CATSPERE: variants seen among roughly 807,000 people sequenced by gnomAD.
The protein encoded by CATSPERE is catsper channel auxiliary subunit epsilon, also known as cation channel sperm-associated auxiliary subunit epsilon.
A neutral mutation model predicts 114.1 loss-of-function variants in CATSPERE; 93 were observed. That is an observed-to-expected ratio of 0.81 (90% CI 0.69 to 0.97). The LOEUF (loss-of-function observed/expected upper bound fraction) is 0.97. Among genes scored for constraint, CATSPERE ranks in the 50% least tolerant of loss-of-function variants. CATSPERE has a pLI of 0.00. For missense variants in CATSPERE, 1,058 were observed against 1,131.6 expected (o/e 0.93, Z 0.93); for synonymous variants, 341 against 384.1 (o/e 0.89, Z 1.31).
rs536004037 is a variant in CATSPERE, at chr1:244,497,111, A to G, written c.352-1891A>G. Reference sequence around the variant, plus strand: ...ATAATTTTACATTGAATATGTAAATACAATAAATCCAGTAACAATTAAAGA... The same window carrying G: ...ATAATTTTACATTGAATATGTAAATGCAATAAATCCAGTAACAATTAAAGA... On this transcript the variant is annotated intron_variant, in intron 6 of 21. Coordinates refer to ENST00000366534, the MANE Select transcript of CATSPERE (RefSeq NM_001130957.2). Among the ~76,000 whole-genome samples the G allele has an allele frequency of 4.6e-5, 7 of 152,372 alleles. No individual in the cohort carries two copies. In the South Asian group the frequency reaches 1.4e-3, roughly 32 times the overall value.
At chr1:244,574,328 A>G (rs1558523559) in intron 11 of CATSPERE, among the ~76,000 whole-genome samples, 1 of 152,344 alleles carries the variant, frequency 6.6e-6, no homozygotes, top group East Asian at 1.9e-4. Flanking sequence ...CATGCCTGTG[A>G]GCATGTCTAA....
chr1:244,531,622 G>T (rs1224025371), intron 8 of CATSPERE, among the ~76,000 whole-genome samples: 1 of 151,900 alleles, frequency 6.6e-6, no homozygotes, highest in Non-Finnish European at 1.5e-5. Context: ...TTGATATAAT[G>T]TATCACATTG....
chr1:244,529,300 T>C (rs1483589506), intron 8 of CATSPERE, among the ~76,000 whole-genome samples: 1 of 152,184 alleles, frequency 6.6e-6, no homozygotes, highest in Non-Finnish European at 1.5e-5. Context: ...ACCCACAGCA[T>C]ACAGGGGCTC....
rs746941760 is a variant in CATSPERE, at chr1:244,479,727, A to G, written c.269A>G (p.Glu90Gly). 8 of 1,598,518 alleles carry G rather than the reference A, an allele frequency of 5.0e-6. No homozygotes were observed. In the South Asian group the frequency reaches 8.9e-5, roughly 18 times the overall value. The change falls in exon 5 of 22, where the codon GAA (glutamate) becomes GGA (glycine). Residue 90 changes from glutamate (E) to glycine (G), a missense_variant. Glu to Gly is a moderately conservative substitution (Grantham distance 98). Transcript: ENST00000366534. The part of the protein sequence containing the change: ...KPIVTGPDEE[E>G]RYLFVESSHT... The stretch of plus-strand genomic sequence containing the variant: ...TGCATTTTCTTTTAGGATGAAGAAG[A>G]ACGCTATTTATTTGTGGAAAGTTCT...
At chr1:244,509,485 T>C (rs1183448747) in intron 7 of CATSPERE, among the ~76,000 whole-genome samples, 1 of 152,190 alleles carries the variant, frequency 6.6e-6, no homozygotes, top group Non-Finnish European at 1.5e-5. Context: ...TTGCTAGTAT[T>C]TTGTTTTGAA....
rs143406749 is a variant in CATSPERE, at chr1:244,489,945, T to G, written c.327-502T>G. 3.9e-4 allele frequency among the ~76,000 whole-genome samples: 59 copies of G among 152,192 alleles called. No individual in the cohort carries two copies. The East Asian group carries it at 8.9e-3, about 23-fold the overall frequency. On this transcript the variant is annotated intron_variant, in intron 5 of 21. Coordinates refer to ENST00000366534, the MANE Select transcript of CATSPERE (RefSeq NM_001130957.2). ...AGCATCAATGAGAAAAGAAATAGAT[T>G]AGCACTGAGTATTAAGAAACCTCAA... is the stretch of plus-strand genomic sequence containing the variant.
At chr1:244,516,335 T>TTTTGTTTG (rs57682756) in intron 7 of CATSPERE, among the ~76,000 whole-genome samples, 1,864 of 151,102 alleles carry the variant, frequency 0.012, 52 homozygotes, top group African/African-American at 0.043. Context: ...ATCAAGAGAG[T>TTTTGTTTG]TTTGTTTGTT....
intron 8 of CATSPERE, among the ~76,000 whole-genome samples, chr1:244,542,197 G>T (rs1428072464): frequency 1.3e-5 from 2 of 150,814 alleles, no homozygotes; most frequent in African/African-American, 4.9e-5. Context: ...ACCAAGCCCT[G>T]GTGCTTTCCT....
chr1:244,545,214 G>A (rs1244476667), intron 8 of CATSPERE, among the ~76,000 whole-genome samples: 2 of 152,164 alleles, frequency 1.3e-5, no homozygotes, highest in African/African-American at 2.4e-5. Context: ...CAGTCCAGTG[G>A]CATGAGACCT....
intron 8 of CATSPERE, among the ~76,000 whole-genome samples, chr1:244,520,115 A>C (rs1253716501): frequency 1.3e-5 from 2 of 152,184 alleles, no homozygotes; most frequent in Non-Finnish European, 2.9e-5. Context: ...GATACCCTTA[A>C]AGCACAGAAG....
At chr1:244,637,548 A>G (rs1002481638) in intron 21 of CATSPERE, among the ~76,000 whole-genome samples, 25 of 152,076 alleles carry the variant, frequency 1.6e-4, no homozygotes, top group South Asian at 2.1e-4. Context: ...TTAATCCATG[A>G]CACCCACCGC....
rs1449929982 is a variant in CATSPERE at position 244,499,169 on chromosome 1, G to A, written c.429+90G>A. ...TGAAAAATTTATAATCAATAGACAG[G>A]ATTTTAAGCTGCCCACACCTAACTA... On this transcript the variant is annotated intron_variant, in intron 7 of 21. Transcript: ENST00000366534. The A allele has an allele frequency of 1.8e-5, 17 of 925,098 alleles. 2 individuals carry two copies. The Middle Eastern group carries it at 2.4e-3, about 129-fold the overall frequency. 57.3% of individuals were successfully genotyped at this position (925,098 alleles called of 1,614,324 possible).
intron 20 of CATSPERE, among the ~76,000 whole-genome samples, chr1:244,624,142 T>G (rs1041635248): frequency 2.3e-4 from 34 of 149,038 alleles, no homozygotes; most frequent in African/African-American, 8.3e-4. Context: ...TTTTTTTTTT[T>G]TTGTATTTTT....
intron 17 of CATSPERE, among the ~76,000 whole-genome samples, chr1:244,595,520 A>G (rs1448664562): frequency 6.6e-6 from 1 of 152,180 alleles, no homozygotes; most frequent in Admixed American, 6.5e-5. Context: ...ACGGTGTGAT[A>G]TTGTTGAGGC....
intron 6 of CATSPERE, among the ~76,000 whole-genome samples, chr1:244,493,910 T>G (rs1243472993): frequency 6.6e-6 from 1 of 152,176 alleles, no homozygotes; most frequent in African/African-American, 2.4e-5. Context: ...AGATACCATC[T>G]CACTCCAGTT....
rs1664612586 is a variant in CATSPERE, at chr1:244,572,495, A to G, written c.1673A>G (p.Asp558Gly). The change falls in exon 11 of 22, where the codon GAT (aspartate) becomes GGT (glycine). Residue 558 changes from aspartate (D) to glycine (G), a missense_variant. Around this residue, in one of 2 missense-constraint regions of CATSPERE, gnomAD observed 787 missense variants for 905.6 expected, o/e 0.87. Transcript: ENST00000366534. ...ACATATTTCCTGTATGCTTTGGATG[A>G]TGGCACAATACAAATACAGGACTAT... ...GQTYFLYALD[D>G]GTIQIQDYPL... 1 of 1,614,048 alleles carries G rather than the reference A, an allele frequency of 6.2e-7. No individual in the cohort carries two copies. Among genetic ancestry groups the G allele is most frequent in the African/African-American group, 1.3e-5 (1 of 74,946 alleles).
At chr1:244,542,188 C>G (rs989217782) in intron 8 of CATSPERE, among the ~76,000 whole-genome samples, 1 of 149,754 alleles carries the variant, frequency 6.7e-6, no homozygotes, top group African/African-American at 2.5e-5. Context: ...AGTGTTCCAA[C>G]CAAGCCCTGG....
intron 7 of CATSPERE, among the ~76,000 whole-genome samples, chr1:244,500,579 C>A (rs1162000977): frequency 6.6e-6 from 1 of 152,076 alleles, no homozygotes; most frequent in Non-Finnish European, 1.5e-5. Context: ...CCAGTTTTCC[C>A]AGTATCATTT....
chr1:244,596,098 A>C (rs920875603), intron 17 of CATSPERE, among the ~76,000 whole-genome samples: 1 of 152,198 alleles, frequency 6.6e-6, no homozygotes, highest in Non-Finnish European at 1.5e-5. Flanking sequence ...CCTGTCGATC[A>C]AAACAGGATG....
Sources: allele counts gnomAD v4.1 joint callset (sites outside exome capture counted in the v4.1 genomes callset), GRCh38; gene constraint gnomAD v4.1.1; regional missense constraint gnomAD v4.1.1; transcripts MANE v1.5; gene names NCBI Gene and HGNC (gene_info 2026-07-23, HGNC 2026-07-21).